The following TMEM132D variants were observed in gnomAD, a reference collection of about 807,000 sequenced individuals.
TMEM132D encodes transmembrane protein 132D.
TMEM132D carries 21 observed loss-of-function variants against 62.3 expected under a neutral mutation model. The ratio of observed to expected loss-of-function variants is 0.34; its 90% confidence interval spans 0.24 to 0.49. The LOEUF is 0.49. Ranked by LOEUF, TMEM132D falls within the 20% of genes least tolerant of loss-of-function variation. The pLI, the probability that TMEM132D is intolerant of heterozygous loss-of-function variation, is 0.99. For missense variants in TMEM132D, 1,346 were observed against 1,402.8 expected, an observed-to-expected ratio of 0.96 and a Z score of 0.65; for synonymous variants, 621 against 575.6, an observed-to-expected ratio of 1.08 and a Z score of -1.13.
intron 3 of TMEM132D, among the ~76,000 whole-genome samples, chr12:129,477,971 T>A (rs904641169): frequency 6.6e-6 from 1 of 151,872 alleles, no homozygotes; most frequent in Admixed American, 6.6e-5. Context: ...CATCATAGAG[T>A]GGACTTACAC....
chr12:129,360,486 T>C (rs1399995524), intron 3 of TMEM132D, among the ~76,000 whole-genome samples: 1 of 152,140 alleles, frequency 6.6e-6, no homozygotes, highest in African/African-American at 2.4e-5. Context: ...GAGGAATGGA[T>C]GGGTTCTTAA....
chr12:129,662,962 G>A (rs931274461), intron 2 of TMEM132D, among the ~76,000 whole-genome samples: 44 of 152,064 alleles, frequency 2.9e-4, no homozygotes, highest in Middle Eastern at 3.2e-3. Context: ...ACCTACTGAG[G>A]TGAATTAAGG....
At chr12:129,494,136 T>C (rs892531317) in intron 3 of TMEM132D, among the ~76,000 whole-genome samples, 2 of 152,154 alleles carry the variant, frequency 1.3e-5, no homozygotes, top group Non-Finnish European at 2.9e-5. Flanking sequence ...ACACTGAAGA[T>C]ATAAATCCCC....
chr12:129,142,021 A>G (rs1399701736), intron 5 of TMEM132D, among the ~76,000 whole-genome samples: 2 of 148,542 alleles, frequency 1.3e-5, no homozygotes, highest in Non-Finnish European at 3.0e-5. Flanking sequence ...ATAAATATAT[A>G]TATTTTTAAA....
chr12:129,872,887 T>C (rs530936156), intron 1 of TMEM132D, among the ~76,000 whole-genome samples: 1 of 152,346 alleles, frequency 6.6e-6, no homozygotes, highest in African/African-American at 2.4e-5. Context: ...GAAATGATGC[T>C]GTTCATACTT....
At position 129,699,886 on chromosome 12, in the gene TMEM132D, T is replaced by C. The variant is rs2137225353; in HGVS notation, c.892A>G (p.Thr298Ala). The change falls in exon 2 of 9, where the codon ACC becomes GCC. Residue 298 changes from threonine to alanine, a missense_variant. Thr to Ala is a moderately conservative substitution (Grantham distance 58). Coordinates refer to ENST00000422113, the MANE Select transcript of TMEM132D (RefSeq NM_133448.3). ...GTCAGCACGTCTCCTTTCCTCACGG[T>C]CTTTGGTATATAGTGGATGGCCACG... is the stretch of plus-strand genomic sequence containing the variant. ...NSVAIHYIPK[T>A]VRKGDVLTFP... The C allele has an allele frequency of 6.2e-7, 1 of 1,614,090 alleles. No homozygotes were observed. The highest frequency in any genetic ancestry group is 1.7e-5 in the Admixed American group (1 of 60,018).
intron 4 of TMEM132D, among the ~76,000 whole-genome samples, chr12:129,262,160 C>T (rs939906801): frequency 2.0e-5 from 3 of 152,092 alleles, no homozygotes; most frequent in Middle Eastern, 3.4e-3. Context: ...AGGGATGCAC[C>T]GATAAAGCAG....
At chr12:129,482,252 G>T (rs995088538) in intron 3 of TMEM132D, among the ~76,000 whole-genome samples, 4 of 152,190 alleles carry the variant, frequency 2.6e-5, no homozygotes, top group African/African-American at 9.7e-5. Context: ...CAAAACACTG[G>T]ACGTAACCAG....
chr12:129,807,588 C>A (rs142481765), intron 1 of TMEM132D, among the ~76,000 whole-genome samples: 19 of 152,296 alleles, frequency 1.2e-4, no homozygotes, highest in Admixed American at 2.0e-4. Context: ...CTTGCTGATG[C>A]TTGATTTAAT....
chr12:129,506,632 G>A (rs1875339066), intron 3 of TMEM132D, among the ~76,000 whole-genome samples: 1 of 152,192 alleles, frequency 6.6e-6, no homozygotes, highest in African/African-American at 2.4e-5. Flanking sequence ...TTAACAAATG[G>A]TGCTGGGATA....
intron 2 of TMEM132D, among the ~76,000 whole-genome samples, chr12:129,687,424 A>T (rs1222940815): frequency 1.3e-5 from 2 of 151,804 alleles, no homozygotes; most frequent in African/African-American, 2.4e-5. Flanking sequence ...CTGCATCCTG[A>T]GAGCTCCCGG....
chr12:129,586,527 G>A (rs1878035115), intron 2 of TMEM132D, among the ~76,000 whole-genome samples: 1 of 152,038 alleles, frequency 6.6e-6, no homozygotes, highest in Admixed American at 6.6e-5. Context: ...AGCGTGGTCG[G>A]GTTCTAGGAG....
At chr12:129,894,166 T>A (rs1056750603) in intron 1 of TMEM132D, among the ~76,000 whole-genome samples, 2 of 152,140 alleles carry the variant, frequency 1.3e-5, no homozygotes, top group African/African-American at 4.8e-5. Flanking sequence ...AGCCTCACAA[T>A]CATGGCAAAA....
intron 5 of TMEM132D, among the ~76,000 whole-genome samples, chr12:129,155,088 C>T (rs1003109815): frequency 6.6e-6 from 1 of 152,240 alleles, no homozygotes; most frequent in African/African-American, 2.4e-5. Flanking sequence ...AAAGCACACA[C>T]ATCAATGATT....
intron 4 of TMEM132D, among the ~76,000 whole-genome samples, chr12:129,289,105 G>A (rs907337371): frequency 2.6e-5 from 4 of 152,028 alleles, no homozygotes; most frequent in African/African-American, 4.8e-5. Context: ...TGGGGGTATC[G>A]GGGGGAATGG....
chr12:129,209,309 C>T (rs1048296162), intron 5 of TMEM132D, among the ~76,000 whole-genome samples: 3 of 152,154 alleles, frequency 2.0e-5, no homozygotes, highest in African/African-American at 7.2e-5. Context: ...CTCCCAGACT[C>T]GGAGTCACCA....
chr12:129,267,286 C>T (rs2135598646), intron 4 of TMEM132D, among the ~76,000 whole-genome samples: 1 of 152,246 alleles, frequency 6.6e-6, no homozygotes, highest in East Asian at 1.9e-4. Context: ...TAGAAAACCC[C>T]ATCGTCTCAG....
chr12:129,083,934 C>T (rs185190582), intron 6 of TMEM132D, among the ~76,000 whole-genome samples: 3 of 152,246 alleles, frequency 2.0e-5, no homozygotes, highest in Admixed American at 1.3e-4. Context: ...AGTGGACAAG[C>T]CTCAGACCTC....
intron 2 of TMEM132D, among the ~76,000 whole-genome samples, chr12:129,638,504 C>T (rs1879546796): frequency 2.3e-5 from 1 of 43,234 alleles, no homozygotes; most frequent in Admixed American, 2.6e-4. Flanking sequence ...TATATATAAA[C>T]ATATATAAAT....
Sources: gnomAD v4.1 joint callset for allele counts (sites outside exome capture counted in the v4.1 genomes callset) on GRCh38, gnomAD v4.1.1 for gene constraint, MANE v1.5 for transcripts, NCBI Gene and HGNC (gene_info 2026-07-23, HGNC 2026-07-21) for gene names.